The following MYO18B variants were observed in gnomAD, a reference collection of about 807,000 sequenced individuals.
MYO18B encodes unconventional myosin-XVIIIb.
A neutral mutation model predicts 273.0 loss-of-function variants in MYO18B; 204 were observed. The observed-to-expected ratio is 0.75, with a 90% CI of 0.67 to 0.84. The LOEUF is 0.84. Among genes scored for constraint, MYO18B ranks in the 40% least tolerant of loss-of-function variants. The pLI is 0.00. For missense variants in MYO18B, 3,212 were observed against 3,287.6 expected (o/e 0.98, Z 0.56); for synonymous variants, 1,330 against 1,305.7 (o/e 1.02, Z -0.40).
chr22:25,881,879 TG>T (rs695697), intron 25 of MYO18B, among the ~76,000 whole-genome samples: 25,306 of 152,132 alleles, frequency 0.17, 2,535 homozygotes, highest in East Asian at 0.35. Flanking sequence ...GATGAGTGTA[TG>T]GAAGCCAGGG....
chr22:25,852,110 G>A (rs1019354919), intron 21 of MYO18B, among the ~76,000 whole-genome samples: 1 of 152,180 alleles, frequency 6.6e-6, no homozygotes, highest in Non-Finnish European at 1.5e-5. Context: ...GAGGGCTTCA[G>A]GGTCCAAAAT....
rs2091401853 is a variant in MYO18B, at chr22:25,883,346, G to A, written c.4314+5298G>A. 6.6e-6 allele frequency: 1 copy of A among 152,230 alleles called. No individual in the cohort carries two copies. Among genetic ancestry groups the A allele is most frequent in the African/African-American group, 2.4e-5 (1 of 41,470 alleles). The allele number at this position is 152,230 out of a possible 1,614,324, so 9.4% of individuals were successfully genotyped here. A position where few individuals can be genotyped will look rare whatever the true frequency, so the allele number is the denominator to read the frequency against. ...TAGGCAATCCTGATTCAGAGGGTGA[G>A]GTTGCTTTAGAGCAGTGGTTCTCAC... On this transcript the variant is annotated intron_variant, in intron 25 of 43. Coordinates refer to ENST00000335473, the MANE Select transcript of MYO18B (RefSeq NM_032608.7). The surrounding 1 kb of genome is among the most constrained non-coding windows in gnomAD (Gnocchi z 7.6).
chr22:25,749,105 A>G (rs2085864775), intron 1 of MYO18B, among the ~76,000 whole-genome samples: 1 of 152,186 alleles, frequency 6.6e-6, no homozygotes, highest in Non-Finnish European at 1.5e-5. Context: ...CATGTAACCC[A>G]CGAGGCAGCC....
At position 25,955,217 on chromosome 22, in the gene MYO18B, G is replaced by C. The variant is rs368664839; in HGVS notation, c.6009G>C (p.Met2003Ile). 1.1e-4 allele frequency: 183 copies of C among 1,613,014 alleles called. 1 individual carries two copies. In the South Asian group the frequency reaches 1.8e-3, roughly 16 times the overall value. Residue 2003 changes from methionine (M) to isoleucine (I), a missense_variant, in exon 39 of 44, where the codon ATG becomes ATC. Transcript: ENST00000335473. ...GGCTTCGGGACAGCCTGATCAAGAT[G>C]GGGGAGGAGCTTTCACAGGCGGCCA... ...VIRLRDSLIK[M>I]GEELSQAATS...
chr22:25,825,663 T>C (rs1435465444), intron 13 of MYO18B, among the ~76,000 whole-genome samples: 2 of 152,244 alleles, frequency 1.3e-5, no homozygotes, highest in Non-Finnish European at 2.9e-5. Context: ...TACCTGACTT[T>C]AAGCATTCCT....
At chr22:25,891,187 T>C in intron 26 of MYO18B, 117 bp from the exon 27 acceptor site, 1 of 788,690 alleles carries the variant, frequency 1.3e-6, no homozygotes, top group Non-Finnish European at 2.0e-6. Context: ...GGATTCTGCA[T>C]GGCTCAGGGC....
chr22:25,906,434 G>C (rs938639278), intron 31 of MYO18B, among the ~76,000 whole-genome samples: 1 of 152,126 alleles, frequency 6.6e-6, no homozygotes. Context: ...GGCCTCTGAC[G>C]TACACTATCC....
At chr22:26,003,938 C>T (rs1934203246) in intron 41 of MYO18B, among the ~76,000 whole-genome samples, 1 of 151,398 alleles carries the variant, frequency 6.6e-6, no homozygotes, top group South Asian at 2.1e-4. Context: ...TAAAACCTAC[C>T]CTCTGTCCCT....
At chr22:25,968,694 C>A (rs533305170) in intron 39 of MYO18B, among the ~76,000 whole-genome samples, 2 of 152,208 alleles carry the variant, frequency 1.3e-5, no homozygotes, top group South Asian at 4.1e-4. Context: ...GAGGAGCTTG[C>A]CTTGAAGCCA....
intron 40 of MYO18B, among the ~76,000 whole-genome samples, chr22:26,002,576 A>G (rs879049741): frequency 6.6e-6 from 1 of 152,234 alleles, no homozygotes; most frequent in Admixed American, 6.5e-5. Context: ...CTGATGATCC[A>G]GATTAAAATG....
chr22:25,838,581 A>G (rs1479255921), intron 17 of MYO18B, among the ~76,000 whole-genome samples: 3 of 152,126 alleles, frequency 2.0e-5, no homozygotes, highest in African/African-American at 4.8e-5. Flanking sequence ...CACCTTTTCT[A>G]TGTTTAGATA....
chr22:25,967,251 G>A (rs1456311370), intron 39 of MYO18B, among the ~76,000 whole-genome samples: 2 of 152,196 alleles, frequency 1.3e-5, no homozygotes, highest in African/African-American at 2.4e-5. Flanking sequence ...TATGGCAGGA[G>A]TATATTAAAT....
intron 12 of MYO18B, among the ~76,000 whole-genome samples, chr22:25,806,600 G>A (rs145252622): frequency 3.1e-4 from 47 of 152,342 alleles, no homozygotes; most frequent in Non-Finnish European, 5.9e-4. Flanking sequence ...TGACATCGTG[G>A]TTGATTTGCT....
At chr22:25,787,380 A>G (rs949656911) in intron 11 of MYO18B, among the ~76,000 whole-genome samples, 1 of 151,836 alleles carries the variant, frequency 6.6e-6, no homozygotes, top group African/African-American at 2.4e-5. Flanking sequence ...GAGGCCTGAG[A>G]ATGTGCCTTT....
At chr22:25,962,064 G>A (rs2092923667) in intron 39 of MYO18B, among the ~76,000 whole-genome samples, 1 of 152,182 alleles carries the variant, frequency 6.6e-6, no homozygotes, top group South Asian at 2.1e-4. Flanking sequence ...GCAGAACCGT[G>A]AGCCAAGTAA....
chr22:25,873,031 G>C (rs982631320), intron 22 of MYO18B, among the ~76,000 whole-genome samples: 3 of 152,156 alleles, frequency 2.0e-5, no homozygotes, highest in Non-Finnish European at 4.4e-5. Context: ...TTGAGAAAAT[G>C]ACCAAAGCAA....
At position 25,757,091 on chromosome 22, in the gene MYO18B, A is replaced by G. The variant is rs377193919; in HGVS notation, c.-109-3893A>G. Among the ~76,000 whole-genome samples, 269 of 152,252 alleles carry G rather than the reference A, an allele frequency of 1.8e-3. 5 individuals carry two copies. In the South Asian group the frequency reaches 0.028, roughly 16 times the overall value. On this transcript the variant is annotated intron_variant, in intron 1 of 43. Coordinates refer to ENST00000335473, the MANE Select transcript of MYO18B (RefSeq NM_032608.7). Reference sequence around the variant, plus strand: ...AAGAAAATATATAATATTATTGTTAACTATAGTCATATAGTGCTATAGAAC... The same window carrying G: ...AAGAAAATATATAATATTATTGTTAGCTATAGTCATATAGTGCTATAGAAC...
intron 27 of MYO18B, among the ~76,000 whole-genome samples, chr22:25,893,760 T>TATCCATCCATCCACCCATCC (rs1334693513): frequency 6.6e-6 from 1 of 151,088 alleles, no homozygotes; most frequent in Non-Finnish European, 1.5e-5. Context: ...TCCATCCATC[T>TATCCATCCATCCACCCATCC]ATCCATCCAT....
intron 9 of MYO18B, among the ~76,000 whole-genome samples, chr22:25,780,914 T>C (rs954706909): frequency 1.4e-4 from 22 of 152,166 alleles, no homozygotes; most frequent in African/African-American, 5.1e-4. Flanking sequence ...TTTGTTCCTA[T>C]CTCCAAAATC....
Sources: gnomAD v4.1 joint callset for allele counts (sites outside exome capture counted in the v4.1 genomes callset) on GRCh38, gnomAD v4.1.1 for gene constraint, Gnocchi (gnomAD v3.1) non-coding constraint, MANE v1.5 for transcripts, NCBI Gene and HGNC (gene_info 2026-07-23, HGNC 2026-07-21) for gene names.